The following DYNC2H1 variants were observed in gnomAD, a reference collection of about 807,000 sequenced individuals.
DYNC2H1 encodes cytoplasmic dynein 2 heavy chain 1.
In DYNC2H1, 410 loss-of-function variants were observed where a neutral mutation model predicts 570.0. The ratio of observed to expected loss-of-function variants is 0.72; its 90% CI spans 0.66 to 0.78. The LOEUF (loss-of-function observed/expected upper bound fraction) is 0.78. Ranked by LOEUF, DYNC2H1 falls within the 30% of genes least tolerant of loss-of-function variation. The pLI is 0.00. For synonymous variants in DYNC2H1, 1,688 were observed against 1,677.6 expected, an observed-to-expected ratio of 1.01 and a Z score of -0.15; for missense variants, 4,865 against 5,046.4, an observed-to-expected ratio of 0.96 and a Z score of 1.09.
At chr11:103,373,630 T>A (rs946429406) in intron 83 of DYNC2H1, among the ~76,000 whole-genome samples, 6 of 152,214 alleles carry the variant, frequency 3.9e-5, no homozygotes, top group Middle Eastern at 3.2e-3. Context: ...TTGAGAATGT[T>A]GCATGTGCAG....
At position 103,181,048 on chromosome 11, in the gene DYNC2H1, A is replaced by AATTT. The variant is rs1861831131; in HGVS notation, c.6348-709_6348-708insATTT. 2.0e-5 allele frequency among the ~76,000 whole-genome samples: 3 copies of AATTT among 151,470 alleles called. No individual in the cohort carries two copies. Among genetic ancestry groups the AATTT allele is most frequent in the Admixed American group, 1.3e-4 (2 of 15,144 alleles). On this transcript the variant is annotated intron_variant, in intron 39 of 88. Coordinates refer to ENST00000375735, the MANE Select transcript of DYNC2H1 (RefSeq NM_001377.3). This position sits in a 1 kb window ranked among gnomAD's most constrained non-coding sequence, Gnocchi z 5.0. ...TACTATAGTTTTTTATAATTATATA[A>AATTT]GGTATAATTTTGAATAAGATGTGAA...
chr11:103,164,414 T>C (rs542150539), intron 30 of DYNC2H1, among the ~76,000 whole-genome samples: 1 of 152,338 alleles, frequency 6.6e-6, no homozygotes, highest in African/African-American at 2.4e-5. Flanking sequence ...CTAAGAAATA[T>C]TGATCTCAAG....
rs977621533 is a variant in DYNC2H1, at chr11:103,268,048, C to G, written c.10695+8071C>G. On this transcript the variant is annotated intron_variant, in intron 70 of 88. Transcript: ENST00000375735. This position sits in a 1 kb window ranked among gnomAD's most constrained non-coding sequence, Gnocchi z 4.6. ...CTTATACATGACTATAGTGAATATC[C>G]TATATGGTACACTTATTTTTATGTA... Among the ~76,000 whole-genome samples the G allele has an allele frequency of 1.3e-4, 20 of 151,906 alleles. No individual in the cohort carries two copies. The highest frequency in any genetic ancestry group is 4.8e-4 in the African/African-American group (20 of 41,432).
chr11:103,158,944 T>C lies in DYNC2H1; in HGVS notation c.4295T>C (p.Ile1432Thr), dbSNP rs776944417. 9.3e-6 allele frequency: 15 copies of C among 1,612,298 alleles called. No individual in the cohort carries two copies. The highest frequency in any genetic ancestry group is 2.2e-5 in the South Asian group (2 of 90,106). The change falls in exon 28 of 89, where the codon ATT becomes ACT. Residue 1432 changes from isoleucine (I) to threonine (T), a missense_variant. Coordinates refer to ENST00000375735, the MANE Select transcript of DYNC2H1 (RefSeq NM_001377.3). ...KRSAFPRFYF[I>T]GDDDLLEILG... ...TCAGCATTCCCAAGATTTTATTTTA[T>C]TGGTGATGATGACTTATTAGAAATA...
At chr11:103,246,503 A>G (rs1864623801) in intron 65 of DYNC2H1, among the ~76,000 whole-genome samples, 1 of 152,078 alleles carries the variant, frequency 6.6e-6, no homozygotes, top group Non-Finnish European at 1.5e-5. Context: ...TAAATTTTAT[A>G]TCATGATTGG....
intron 70 of DYNC2H1, among the ~76,000 whole-genome samples, chr11:103,260,320 T>C (rs949372345): frequency 5.9e-5 from 9 of 152,328 alleles, no homozygotes; most frequent in Middle Eastern, 3.4e-3. Context: ...TAATTCTTTG[T>C]GTGTGGGATG....
intron 70 of DYNC2H1, among the ~76,000 whole-genome samples, chr11:103,273,048 C>T (rs541656068): frequency 7.9e-5 from 12 of 151,824 alleles, no homozygotes; most frequent in Admixed American, 3.9e-4. Context: ...AAAATATTTG[C>T]TCAATTTTGG....
At chr11:103,358,807 A>G (rs2566912) in intron 83 of DYNC2H1, among the ~76,000 whole-genome samples, 72,918 of 151,994 alleles carry the variant, frequency 0.48, 19,385 homozygotes, top group Admixed American at 0.59. Context: ...ATTCATATGT[A>G]TATATATTAT....
intron 75 of DYNC2H1, 109 bp from the exon 76 acceptor site, chr11:103,302,984 A>G (rs1310964606): frequency 1.2e-6 from 1 of 808,658 alleles, no homozygotes; most frequent in African/African-American, 1.8e-5. Flanking sequence ...GTATTATGAG[A>G]TTACAACTCA....
intron 6 of DYNC2H1, among the ~76,000 whole-genome samples, chr11:103,118,420 G>A (rs1326611154): frequency 6.6e-6 from 1 of 151,062 alleles, no homozygotes; most frequent in African/African-American, 2.4e-5. Flanking sequence ...AAGTAAAATA[G>A]TATAATGAAT....
rs949850459 is a variant in DYNC2H1 at position 103,297,968 on chromosome 11, G to A, written c.11096-5125G>A. On this transcript the variant is annotated intron_variant, in intron 75 of 88. Coordinates refer to ENST00000375735, the MANE Select transcript of DYNC2H1 (RefSeq NM_001377.3). Reference sequence around the variant, plus strand: ...TTGTTTAAGCCACTTTTATATAAGCGAGATTATTACCATTCAGGCTTCTAT... The same window carrying A: ...TTGTTTAAGCCACTTTTATATAAGCAAGATTATTACCATTCAGGCTTCTAT... Among the ~76,000 whole-genome samples the A allele has an allele frequency of 4.6e-5, 7 of 152,136 alleles. No individual in the cohort carries two copies. In the East Asian group the frequency reaches 5.8e-4, roughly 13 times the overall value.
intron 22 of DYNC2H1, 144 bp from the exon 23 acceptor site, chr11:103,154,306 TA>T: frequency 3.2e-6 from 2 of 625,940 alleles, no homozygotes; most frequent in Non-Finnish European, 4.9e-6. Flanking sequence ...TGTAGTTTCT[TA>T]TTGTTTCTTA....
chr11:103,349,281 G>C (rs559306342), intron 82 of DYNC2H1, among the ~76,000 whole-genome samples: 23 of 151,970 alleles, frequency 1.5e-4, no homozygotes, highest in Non-Finnish European at 1.2e-4. Context: ...ATATATAATA[G>C]ATATTATTTT....
At chr11:103,303,539 C>T (rs1565478846) in intron 76 of DYNC2H1, among the ~76,000 whole-genome samples, 1 of 151,880 alleles carries the variant, frequency 6.6e-6, no homozygotes, top group Non-Finnish European at 1.5e-5. Flanking sequence ...GTCGAGAGTG[C>T]AGCTAGGAGA....
At chr11:103,184,458 C>A (rs536472937) in intron 40 of DYNC2H1, among the ~76,000 whole-genome samples, 1 of 152,006 alleles carries the variant, frequency 6.6e-6, no homozygotes, top group East Asian at 1.9e-4. Context: ...TTTAAAAATT[C>A]TTTCAGAGAA....
chr11:103,395,946 C>A lies in DYNC2H1; in HGVS notation c.12157-3717C>A, dbSNP rs974395758. On this transcript the variant is annotated intron_variant, in intron 83 of 88. Coordinates refer to ENST00000375735, the MANE Select transcript of DYNC2H1 (RefSeq NM_001377.3). This position sits in a 1 kb window ranked among gnomAD's most constrained non-coding sequence, Gnocchi z 4.3. ...AAGGTATTTTTCCCTTTTCTTTAAC[C>A]CTTACAGATCCACTCCAACTTTGTT... Among the ~76,000 whole-genome samples the A allele has an allele frequency of 2.0e-5, 3 of 152,126 alleles. No homozygotes were observed. The highest frequency in any genetic ancestry group is 2.4e-5 in the African/African-American group (1 of 41,430).
intron 36 of DYNC2H1, among the ~76,000 whole-genome samples, chr11:103,174,564 C>G (rs758897338): frequency 1.3e-5 from 2 of 152,150 alleles, no homozygotes; most frequent in Non-Finnish European, 1.5e-5. Context: ...GGTCCTGATT[C>G]AGTAGGTGTA....
At position 103,280,141 on chromosome 11, in the gene DYNC2H1, G is replaced by A. The variant is rs1386999; in HGVS notation, c.10696-207G>A. On this transcript the variant is annotated intron_variant, in intron 70 of 88. Coordinates refer to ENST00000375735, the MANE Select transcript of DYNC2H1 (RefSeq NM_001377.3). The surrounding 1 kb of genome is among the most constrained non-coding windows in gnomAD (Gnocchi z 4.7). Reference sequence around the variant, plus strand: ...AATTGTTAGTGCTTTCTCCAAAAATGTGATCACTTACTTACTCTGACCCCA... The same window carrying A: ...AATTGTTAGTGCTTTCTCCAAAAATATGATCACTTACTTACTCTGACCCCA... Among the ~76,000 whole-genome samples the A allele has an allele frequency of 2.0e-5, 3 of 151,930 alleles. No individual in the cohort carries two copies. In the South Asian group the frequency reaches 6.2e-4, roughly 32 times the overall value.
chr11:103,114,127 G>C lies in DYNC2H1; in HGVS notation c.391G>C (p.Asp131His), dbSNP rs759690887. Reference protein sequence around the residue: ...LKDQEWSRNFDPKLQNLLSEL... With the variant: ...LKDQEWSRNFHPKLQNLLSEL... ...GGATCAGGAATGGAGCAGAAACTTTGATCCCAAACTTCAGAATCTTTTGAG... is the reference window on the plus strand; with the variant it reads ...GGATCAGGAATGGAGCAGAAACTTTCATCCCAAACTTCAGAATCTTTTGAG... Residue 131 changes from aspartate (D) to histidine (H), a missense_variant, in exon 3 of 89, where the codon GAT (aspartate) becomes CAT (histidine). Asp to His is a moderately conservative substitution (Grantham distance 81, BLOSUM62 -1). Coordinates refer to ENST00000375735, the MANE Select transcript of DYNC2H1 (RefSeq NM_001377.3). 4.1e-5 allele frequency: 66 copies of C among 1,610,318 alleles called. No homozygotes were observed. The Middle Eastern group carries it at 6.6e-4, about 16-fold the overall frequency.
Sources: allele counts gnomAD v4.1 joint callset (sites outside exome capture counted in the v4.1 genomes callset), GRCh38; gene constraint gnomAD v4.1.1; non-coding constraint Gnocchi (gnomAD v3.1); transcripts MANE v1.5; gene names NCBI Gene and HGNC (gene_info 2026-07-23, HGNC 2026-07-21).